Variants in LEF1 observed in about 807,000 individuals in gnomAD.
LEF1 encodes the protein lymphoid enhancer binding factor 1, also known as lymphoid enhancer-binding factor 1.
In LEF1, 14 loss-of-function variants were observed where a neutral mutation model predicts 51.2. The observed-to-expected ratio is 0.27, with a 90% confidence interval of 0.18 to 0.43. LEF1 has a LOEUF of 0.43. Ranked by LOEUF, LEF1 falls within the 20% of genes least tolerant of loss-of-function variation. LEF1 has a pLI of 1.00. For missense variants in LEF1, 386 were observed against 512.0 expected (o/e 0.75, Z 2.37); for synonymous variants, 185 against 183.2 (o/e 1.01, Z -0.08).
chr4:108,131,953 A>G (rs966808346), intron 3 of LEF1, among the ~76,000 whole-genome samples: 1 of 152,168 alleles, frequency 6.6e-6, no homozygotes, highest in Non-Finnish European at 1.5e-5. Flanking sequence ...CAGTATTAGG[A>G]TTTAGGTCAA....
At chr4:108,105,002 G>C (rs1484531159) in intron 3 of LEF1, among the ~76,000 whole-genome samples, 5 of 152,068 alleles carry the variant, frequency 3.3e-5, no homozygotes, top group African/African-American at 1.2e-4. Flanking sequence ...TGAAGAGAAC[G>C]TGCAGACTCT....
intron 3 of LEF1, among the ~76,000 whole-genome samples, chr4:108,144,833 A>AATCTGTAC (rs199572449): frequency 0.014 from 1,995 of 145,706 alleles, 21 homozygotes; most frequent in Non-Finnish European, 0.021. Context: ...ATCTGCAAGT[A>AATCTGTAC]ATCTGTACAG....
At position 108,082,155 on chromosome 4, in the gene LEF1, A is replaced by G. The variant is rs942074039; in HGVS notation, c.639-486T>C. On this transcript the variant is annotated intron_variant, in intron 5 of 11. Transcript: ENST00000265165. ...ACACTGTACCATTTCCCCCATATAC[A>G]TGTTAAAGTCAAGAAATAAAAGATT... Among the ~76,000 whole-genome samples, 3 of 152,162 alleles carry G rather than the reference A, an allele frequency of 2.0e-5. No individual in the cohort carries two copies. In the South Asian group the frequency reaches 6.2e-4, roughly 31 times the overall value.
At chr4:108,093,782 A>T (rs1405190163) in intron 3 of LEF1, among the ~76,000 whole-genome samples, 3 of 152,208 alleles carry the variant, frequency 2.0e-5, no homozygotes, top group Non-Finnish European at 4.4e-5. Flanking sequence ...AAGAAAGAAA[A>T]GGGAGAAAAT....
intron 3 of LEF1, among the ~76,000 whole-genome samples, chr4:108,155,518 G>T (rs193241112): frequency 1.3e-5 from 2 of 152,182 alleles, no homozygotes. Context: ...AATAGGAACC[G>T]AAAGTTTCTT....
At chr4:108,094,083 A>T (rs1740224667) in intron 3 of LEF1, among the ~76,000 whole-genome samples, 1 of 152,214 alleles carries the variant, frequency 6.6e-6, no homozygotes. Flanking sequence ...CTAGAGGCCA[A>T]GCTCATTACC....
At chr4:108,138,193 A>T (rs571542365) in intron 3 of LEF1, among the ~76,000 whole-genome samples, 15 of 152,348 alleles carry the variant, frequency 9.8e-5, no homozygotes, top group Admixed American at 3.9e-4. Context: ...TCGAATATCA[A>T]ATATGTATAA....
chr4:108,054,982 T>C (rs1397135453), intron 11 of LEF1, among the ~76,000 whole-genome samples: 3 of 152,254 alleles, frequency 2.0e-5, no homozygotes, highest in Admixed American at 6.5e-5. Flanking sequence ...AGTAACATGG[T>C]AGCTTCATTT....
At chr4:108,154,396 G>C (rs1744551845) in intron 3 of LEF1, among the ~76,000 whole-genome samples, 2 of 114,890 alleles carry the variant, frequency 1.7e-5, no homozygotes, top group Admixed American at 2.5e-4. Context: ...AATTAAATAT[G>C]ACAACCCTGT....
At chr4:108,137,104 A>G (rs1031860249) in intron 3 of LEF1, among the ~76,000 whole-genome samples, 3 of 152,248 alleles carry the variant, frequency 2.0e-5, no homozygotes, top group Non-Finnish European at 2.9e-5. Flanking sequence ...TTCTTCAAAC[A>G]GTACAGAATT....
At chr4:108,079,444 T>G in intron 7 of LEF1, 48 bp downstream of exon 7, 1 of 1,602,628 alleles carries the variant, frequency 6.2e-7, no homozygotes, top group Non-Finnish European at 8.5e-7. Context: ...AGTGTAGAAA[T>G]CCTCAGTATC....
intron 11 of LEF1, among the ~76,000 whole-genome samples, chr4:108,054,554 G>A (rs1049331968): frequency 3.3e-5 from 5 of 152,190 alleles, no homozygotes; most frequent in East Asian, 1.9e-4. Flanking sequence ...TAAAGCCTCT[G>A]GAATGTGGCA....
At chr4:108,136,505 A>C (rs1054359769) in intron 3 of LEF1, among the ~76,000 whole-genome samples, 1 of 147,694 alleles carries the variant, frequency 6.8e-6, no homozygotes, top group Admixed American at 6.8e-5. Flanking sequence ...CTTATGCTGC[A>C]TAGTATTATA....
intron 3 of LEF1, among the ~76,000 whole-genome samples, chr4:108,138,893 A>C (rs2110367474): frequency 6.6e-6 from 1 of 152,350 alleles, no homozygotes; most frequent in East Asian, 1.9e-4. Context: ...CCTTCCTTGC[A>C]TGTAAACATG....
chr4:108,163,757 T>C, intron 2 of LEF1, 56 bp from the exon 3 acceptor site: 4 of 1,560,136 alleles, frequency 2.6e-6, no homozygotes, highest in Non-Finnish European at 3.5e-6. Flanking sequence ...TATATTACTG[T>C]ATTTTTCATC....
At position 108,167,437 on chromosome 4, in the gene LEF1, C is replaced by G. The variant is rs72660446; in HGVS notation, c.213+118G>C. On this transcript the variant is annotated intron_variant, in intron 1 of 11. Transcript: ENST00000265165. This position sits in a 1 kb window ranked among gnomAD's most constrained non-coding sequence, Gnocchi z 5.7. ...AGCTACGCACACACCCCAAAACAAA[C>G]GAGGGATCTACTCGGGACCCTCAGC... The G allele has an allele frequency of 8.4e-3, 7,758 of 923,458 alleles. 50 individuals are homozygous for G. The highest frequency in any genetic ancestry group is 0.016 in the South Asian group (1,022 of 65,092). The allele number at this position is 923,458 out of a possible 1,614,324, so 57.2% of individuals were successfully genotyped here.
At chr4:108,084,599 C>T (rs1400916280) in intron 4 of LEF1, among the ~76,000 whole-genome samples, 2 of 152,130 alleles carry the variant, frequency 1.3e-5, no homozygotes, top group Non-Finnish European at 2.9e-5. Context: ...GAAGTTAGAA[C>T]GAACTATTTC....
chr4:108,087,110 G>T (rs6826742), intron 4 of LEF1, among the ~76,000 whole-genome samples: 78,561 of 151,850 alleles, frequency 0.52, 20,951 homozygotes, highest in Middle Eastern at 0.69. Context: ...GAGAGAAAAA[G>T]AATTAAAAGG....
chr4:108,070,038 AG>A (rs1404685217), intron 9 of LEF1, among the ~76,000 whole-genome samples: 1 of 151,762 alleles, frequency 6.6e-6, no homozygotes, highest in African/African-American at 2.4e-5. Context: ...CATAAATAAT[AG>A]CCCTAAATAC....
Sources: allele counts gnomAD v4.1 joint callset (sites outside exome capture counted in the v4.1 genomes callset), GRCh38; gene constraint gnomAD v4.1.1; non-coding constraint Gnocchi (gnomAD v3.1); transcripts MANE v1.5; gene names NCBI Gene and HGNC (gene_info 2026-07-23, HGNC 2026-07-21).